Variants in ARHGAP9 observed in about 807,000 individuals in gnomAD.
ARHGAP9 encodes the protein Rho GTPase activating protein 9, also known as rho GTPase-activating protein 9.
A neutral mutation model predicts 87.3 loss-of-function variants in ARHGAP9; 76 were observed. The ratio of observed to expected loss-of-function variants is 0.87; its 90% CI spans 0.72 to 1.05. The LOEUF (loss-of-function observed/expected upper bound fraction) is 1.05. Ranked by LOEUF, ARHGAP9 falls within the 50% of genes least tolerant of loss-of-function variation. The pLI, the probability that ARHGAP9 is intolerant of heterozygous loss-of-function variation, is 0.00. For synonymous variants in ARHGAP9, 382 were observed against 394.9 expected (o/e 0.97, Z 0.39); for missense variants, 941 against 960.5 (o/e 0.98, Z 0.27).
intron 12 of ARHGAP9, 21 bp from the exon 13 acceptor site, chr12:57,474,994 G>T (rs960428934): frequency 3.7e-6 from 6 of 1,609,816 alleles, no homozygotes; most frequent in African/African-American, 1.3e-5. Context: ...AGAGTGAGGC[G>T]GGAAGCCAGT....
intron 8 of ARHGAP9, 40 bp downstream of exon 8, chr12:57,476,324 C>A (rs1252580440): frequency 4.4e-6 from 7 of 1,602,000 alleles, no homozygotes; most frequent in Non-Finnish European, 6.0e-6. Flanking sequence ...AGGCGGTAGG[C>A]AGCGCCCGCA....
chr12:57,477,040 G>C (rs571484703), intron 5 of ARHGAP9, 77 bp from the exon 6 acceptor site: 1 of 1,527,176 alleles, frequency 6.5e-7, no homozygotes, highest in Admixed American at 1.7e-5. Context: ...AAGAGGGGTG[G>C]GATACGGGTG....
upstream of ARHGAP9, chr12:57,483,851 G>A (rs947930422): frequency 9.8e-5 from 44 of 450,204 alleles, no homozygotes; most frequent in Admixed American, 2.6e-4. Flanking sequence ...ACCAGCCTGG[G>A]CAACATGGTA....
chr12:57,476,775 G>T, intron 6 of ARHGAP9, 96 bp downstream of exon 6: 1 of 1,253,588 alleles, frequency 8.0e-7, no homozygotes, highest in South Asian at 1.2e-5. Context: ...TGGGTAGGAG[G>T]ATATTCAGAA....
intron 14 of ARHGAP9, 49 bp downstream of exon 14, chr12:57,474,577 C>G (rs541605179): frequency 3.7e-6 from 6 of 1,613,530 alleles, no homozygotes; most frequent in Non-Finnish European, 5.1e-6. Context: ...GCCCATGGTT[C>G]TCAGGCAAGA....
At position 57,472,349 on chromosome 12, in the gene ARHGAP9, A is replaced by T; in HGVS notation, c.*168T>A. The stretch of plus-strand genomic sequence containing the variant: ...AAGAGAAGCAGGGGTTAATCCACTC[A>T]CTTTCCTCTTTAGAGAAGCTCCCTC... On this transcript the variant is annotated 3_prime_UTR_variant, in exon 18 of 18. Coordinates refer to ENST00000393791, the MANE Select transcript of ARHGAP9 (RefSeq NM_032496.4). 1.3e-6 allele frequency: 1 copy of T among 770,282 alleles called. No individual in the cohort carries two copies. Among genetic ancestry groups the T allele is most frequent in the Non-Finnish European group, 2.0e-6 (1 of 503,754 alleles). The allele number at this position is 770,282 out of a possible 1,614,324, so 47.7% of individuals were successfully genotyped here.
In ARHGAP9 at chr12:57,478,534, A is replaced by G. The variant is rs1411357047; in HGVS notation, c.534+6T>C. On this transcript the variant is annotated splice_donor_region_variant and intron_variant, in intron 3 of 17. Coordinates refer to ENST00000393791, the MANE Select transcript of ARHGAP9 (RefSeq NM_032496.4). Reference sequence around the variant, plus strand: ...CAGGGCCCAGCTCAGAAGAGCTGTGACTCACTGTGCTGGCACTGGCTTCTG... The same window carrying G: ...CAGGGCCCAGCTCAGAAGAGCTGTGGCTCACTGTGCTGGCACTGGCTTCTG... 3.1e-6 allele frequency: 5 copies of G among 1,613,512 alleles called. No individual in the cohort carries two copies. The highest frequency in any genetic ancestry group is 4.2e-6 in the Non-Finnish European group (5 of 1,179,736).
At chr12:57,477,318 C>T in intron 4 of ARHGAP9, 49 bp from the exon 5 acceptor site, 1 of 1,517,244 alleles carries the variant, frequency 6.6e-7, no homozygotes, top group South Asian at 1.3e-5. Context: ...GCCACCTCTA[C>T]CCACTCTCCA....
Position 57,476,765 on chromosome 12 carries a change from T to A in ARHGAP9, c.963+106A>T. 2.1e-6 allele frequency: 3 copies of A among 1,423,818 alleles called. No individual in the cohort carries two copies. The Admixed American group carries it at 5.9e-5, about 28-fold the overall frequency. The allele number at this position is 1,423,818 out of a possible 1,614,324, so 88.2% of individuals were successfully genotyped here. On this transcript the variant is annotated intron_variant, in intron 6 of 17. Transcript: ENST00000393791. ...TCCCTTAAAGTTGCTGGGGGAGGGC[T>A]GGGTAGGAGGATATTCAGAAAGAGG...
In ARHGAP9 at chr12:57,479,237, G is replaced by C; in HGVS notation, c.170C>G (p.Thr57Ser). ...TCTTGCCAACCACCAGTCGGAGTTG[G>C]TCTTTCGAAGCAGTAGGAACCTATC... ...EGDRFLLLRK[T>S]NSDWWLARRL... is the part of the protein sequence containing the mutation. The change falls in exon 2 of 18, where the codon ACC (threonine) becomes AGC (serine). Residue 57 changes from threonine to serine, a missense_variant. By Grantham distance (58) the Thr-to-Ser change is moderately conservative (BLOSUM62 1). Coordinates refer to ENST00000393791, the MANE Select transcript of ARHGAP9 (RefSeq NM_032496.4). 6.2e-7 allele frequency: 1 copy of C among 1,614,196 alleles called. No homozygotes were observed. The highest frequency in any genetic ancestry group is 8.5e-7 in the Non-Finnish European group (1 of 1,180,032).
In ARHGAP9 at chr12:57,474,818, G is replaced by A. The variant is rs115071370; in HGVS notation, c.1651+57C>T. On this transcript the variant is annotated intron_variant, in intron 13 of 17. Transcript: ENST00000393791. ...AAGACTAGGTAGAATGGGGGAGGCA[G>A]AAAATTCTAGGCCTTAGCCTGTTGG... 1,467 of 1,610,140 alleles carry A rather than the reference G, an allele frequency of 9.1e-4. 7 individuals are homozygous for A. In the African/African-American group the frequency reaches 0.017, roughly 19 times the overall value.
At chr12:57,486,643 T>C (rs1199698081) in intron 1 of ARHGAP9, among the ~76,000 whole-genome samples, 1 of 146,192 alleles carries the variant, frequency 6.8e-6, no homozygotes, top group Non-Finnish European at 1.5e-5. Context: ...CCCAGCACTT[T>C]GGGAGGCTGA....
chr12:57,473,974 C>G, intron 16 of ARHGAP9, 68 bp downstream of exon 16: 1 of 1,527,794 alleles, frequency 6.5e-7, no homozygotes, highest in Non-Finnish European at 8.8e-7. Flanking sequence ...TATAAGGGAA[C>G]CTCTATTCTA....
At chr12:57,474,376 G>A (rs1332276469) in intron 15 of ARHGAP9, 47 bp downstream of exon 15, 1 of 1,608,468 alleles carries the variant, frequency 6.2e-7, no homozygotes, top group African/African-American at 1.3e-5. Flanking sequence ...GAAGCAAAGA[G>A]GATATGTGGA....
intron 1 of ARHGAP9, chr12:57,488,154 GC>G (rs1565635680): frequency 6.2e-7 from 1 of 1,614,176 alleles, no homozygotes; most frequent in Admixed American, 1.7e-5. Flanking sequence ...CGCCGGGAGA[GC>G]CCGGGGCAGA....
upstream of ARHGAP9, among the ~76,000 whole-genome samples, chr12:57,484,532 A>C (rs1417197753): frequency 6.6e-6 from 1 of 152,158 alleles, no homozygotes. Flanking sequence ...TTTGTTGATA[A>C]CTGTACCTTC....
At position 57,477,446 on chromosome 12, in the gene ARHGAP9, G is replaced by A. The variant is rs763041263; in HGVS notation, c.756+13C>T. On this transcript the variant is annotated intron_variant, in intron 4 of 17. Coordinates refer to ENST00000393791, the MANE Select transcript of ARHGAP9 (RefSeq NM_032496.4). ...TTGAGGGGACAGTGGAGAAGCAGGA[G>A]GTAAGGTCTCACCGTCTCGCTGCGA... is the stretch of plus-strand genomic sequence containing the variant. 4.3e-6 allele frequency: 7 copies of A among 1,613,236 alleles called. No homozygotes were observed. The highest frequency in any genetic ancestry group is 4.0e-5 in the African/African-American group (3 of 74,886).
upstream of ARHGAP9, among the ~76,000 whole-genome samples, chr12:57,480,307 G>A (rs1435395011): frequency 2.0e-5 from 3 of 151,852 alleles, no homozygotes; most frequent in East Asian, 1.9e-4. Flanking sequence ...TCAGTCCCCC[G>A]AGTAGCTGGG....
In ARHGAP9 at chr12:57,475,362, C is replaced by CGCACGCGGTTCT; in HGVS notation, c.1469_1480dup (p.Gln490_Val493dup). ...CGCGATGAGCCGCTTTAGTTTGTTGCGCACGCGGTTCTGCTCGGTGCCTTC... is the reference window on the plus strand; with the variant it reads ...CGCGATGAGCCGCTTTAGTTTGTTGCGCACGCGGTTCTGCACGCGGTTCTGCTCGGTGCCTTC... On this transcript the variant is annotated inframe_insertion, in exon 12 of 18. Coordinates refer to ENST00000393791, the MANE Select transcript of ARHGAP9 (RefSeq NM_032496.4). 6.2e-7 allele frequency: 1 copy of CGCACGCGGTTCT among 1,602,278 alleles called. No homozygotes were observed. Among genetic ancestry groups the CGCACGCGGTTCT allele is most frequent in the Non-Finnish European group, 8.5e-7 (1 of 1,174,350 alleles).
Sources: gnomAD v4.1 joint callset for allele counts (sites outside exome capture counted in the v4.1 genomes callset) on GRCh38, gnomAD v4.1.1 for gene constraint, MANE v1.5 for transcripts, NCBI Gene and HGNC (gene_info 2026-07-23, HGNC 2026-07-21) for gene names.